The following ABHD1 variants were observed in gnomAD, a reference collection of about 807,000 sequenced individuals.
The protein encoded by ABHD1 is abhydrolase domain containing 1.
Under a neutral mutation model 41.4 loss-of-function variants are expected in ABHD1, and 47 were observed. The observed-to-expected ratio is 1.13, with a 90% CI of 0.90 to 1.45. ABHD1 has a LOEUF of 1.45. Among genes scored for constraint, ABHD1 ranks in the 40% most tolerant of loss-of-function variants. ABHD1 has a pLI of 0.00. For missense variants in ABHD1, 550 were observed against 503.4 expected (o/e 1.09, Z -0.89); for synonymous variants, 205 against 203.7 (o/e 1.01, Z -0.05).
At position 27,130,404 on chromosome 2, in the gene ABHD1, TCCC is replaced by T; in HGVS notation, c.997_999del (p.Pro333del). On this transcript the variant is annotated inframe_deletion, in exon 8 of 9. Transcript: ENST00000316470. ...TCTCAGTGCAGCAGATGACCCCTTC[TCCC>T]CCGTCTGTGGTGAGTACTCTGATTC... is the stretch of plus-strand genomic sequence containing the variant. The T allele has an allele frequency of 6.2e-7, 1 of 1,613,950 alleles. No individual in the cohort carries two copies. The highest frequency in any genetic ancestry group is 8.5e-7 in the Non-Finnish European group (1 of 1,179,992).
In ABHD1 at chr2:27,130,526, C is replaced by A. The variant is rs749395605; in HGVS notation, c.1007-7C>A. The A allele has an allele frequency of 6.2e-7, 1 of 1,613,910 alleles. No individual in the cohort carries two copies. Among genetic ancestry groups the A allele is most frequent in the Non-Finnish European group, 8.5e-7 (1 of 1,179,886 alleles). Reference sequence around the variant, plus strand: ...GCCAGTGTTTCTAACCTCTGACCCTCTCCTAGCCCTTCCCATACAGGCCGC... The same window carrying A: ...GCCAGTGTTTCTAACCTCTGACCCTATCCTAGCCCTTCCCATACAGGCCGC... On this transcript the variant is annotated splice_polypyrimidine_tract_variant and splice_region_variant and intron_variant, in intron 8 of 8. Coordinates refer to ENST00000316470, the MANE Select transcript of ABHD1 (RefSeq NM_032604.4).
At chr2:27,128,040 C>T (rs1356798569) in intron 1 of ABHD1, among the ~76,000 whole-genome samples, 1 of 151,948 alleles carries the variant, frequency 6.6e-6, no homozygotes, top group Non-Finnish European at 1.5e-5. Flanking sequence ...CCTTGAACTC[C>T]TGGGCTCAAG....
At chr2:27,130,215 T>C (rs199613197) in intron 7 of ABHD1, 36 bp from the exon 8 acceptor site, 621 of 1,614,038 alleles carry the variant, frequency 3.8e-4, no homozygotes, top group Admixed American at 5.3e-4. Context: ...TTCCTATTCT[T>C]TATCATCTTA....
intron 8 of ABHD1, 52 bp downstream of exon 8, chr2:27,130,468 G>A: frequency 6.2e-7 from 1 of 1,611,984 alleles, no homozygotes; most frequent in Middle Eastern, 1.7e-4. Flanking sequence ...GGGCCATGAG[G>A]GACGCAACAG....
chr2:27,130,213 C>T (rs1471110631), intron 7 of ABHD1, 38 bp from the exon 8 acceptor site: 6 of 1,614,012 alleles, frequency 3.7e-6, no homozygotes, highest in African/African-American at 1.3e-5. Flanking sequence ...TCTTCCTATT[C>T]TTTATCATCT....
At position 27,128,460 on chromosome 2, in the gene ABHD1, G is replaced by A; in HGVS notation, c.134G>A (p.Gly45Glu). 6.2e-7 allele frequency: 1 copy of A among 1,613,992 alleles called. No individual in the cohort carries two copies. Among genetic ancestry groups the A allele is most frequent in the South Asian group, 1.1e-5 (1 of 91,076 alleles). The change falls in exon 2 of 9, where the codon GGG (glycine) becomes GAG (glutamate). Residue 45 changes from glycine (G) to glutamate (E), a missense_variant. Gly to Glu is a moderately conservative substitution (Grantham distance 98, BLOSUM62 -2). Transcript: ENST00000316470. ...CVLQRPRLVA[G>E]PQFLAFLEPH... ...TTACAGAGGCCTCGGCTGGTGGCTG[G>A]GCCGCAGTTTCTGGCCTTCCTGGAG...
chr2:27,129,451 A>G (rs1672126483), intron 4 of ABHD1, 63 bp from the exon 5 acceptor site: 3 of 1,611,616 alleles, frequency 1.9e-6, no homozygotes, highest in Non-Finnish European at 2.5e-6. Flanking sequence ...ATCCTTCCTC[A>G]GTTTCCCCTC....
In ABHD1 at chr2:27,128,463, C is replaced by T. The variant is rs781768624; in HGVS notation, c.137C>T (p.Pro46Leu). The T allele has an allele frequency of 1.4e-5, 22 of 1,614,068 alleles. No individual in the cohort carries two copies. In the South Asian group the frequency reaches 1.9e-4, roughly 14 times the overall value. Residue 46 changes from proline (P) to leucine (L), a missense_variant, in exon 2 of 9, where the codon CCG becomes CTG. Pro to Leu is a moderately conservative substitution (Grantham distance 98, BLOSUM62 -3). Transcript: ENST00000316470. ...CAGAGGCCTCGGCTGGTGGCTGGGC[C>T]GCAGTTTCTGGCCTTCCTGGAGCCA... is the stretch of plus-strand genomic sequence containing the variant. ...VLQRPRLVAGPQFLAFLEPHC... is the reference protein window; with the variant it reads ...VLQRPRLVAGLQFLAFLEPHC...
chr2:27,124,191 A>G (rs1671860098), intron 1 of ABHD1, 129 bp downstream of exon 1: 1 of 844,178 alleles, frequency 1.2e-6, no homozygotes, highest in Non-Finnish European at 2.0e-6. Flanking sequence ...CTACCACCGA[A>G]TGGAGAGTCG....
intron 8 of ABHD1, 37 bp downstream of exon 8, chr2:27,130,453 A>C: frequency 6.2e-7 from 1 of 1,613,236 alleles, no homozygotes. Context: ...GGCCCCAAGG[A>C]AAATGGGCCA....
Position 27,130,270 on chromosome 2 carries a change from T to C in ABHD1, c.860T>C (p.Phe287Ser). The C allele has an allele frequency of 1.9e-6, 3 of 1,614,212 alleles. No homozygotes were observed. The South Asian group carries it at 3.3e-5, about 18-fold the overall frequency. The change falls in exon 8 of 9, where the codon TTT becomes TCT. Residue 287 changes from phenylalanine to serine, a missense_variant. Phe to Ser is a radical substitution (Grantham distance 155). Transcript: ENST00000316470. ...CTGCAGGCCCGTACAATCCGCCAGTTTGATGAGCGCTACACATCTGTGGCC... is the reference window on the plus strand; with the variant it reads ...CTGCAGGCCCGTACAATCCGCCAGTCTGATGAGCGCTACACATCTGTGGCC... ...FVLQARTIRQ[F>S]DERYTSVAFG...
At chr2:27,128,334 T>C in intron 1 of ABHD1, 107 bp from the exon 2 acceptor site, 3 of 1,406,774 alleles carry the variant, frequency 2.1e-6, no homozygotes, top group East Asian at 4.6e-5. Context: ...AGCAGGGTCC[T>C]CCAGGCTGGG....
intron 1 of ABHD1, chr2:27,125,547 A>G (rs1572915128): frequency 6.6e-6 from 1 of 152,324 alleles, no homozygotes; most frequent in African/African-American, 2.4e-5. Context: ...CAAACCTGTG[A>G]ACAAATTTAT....
rs1558475320 is a variant in ABHD1, at chr2:27,129,555, GAC to G, written c.548_549del (p.Thr183SerfsTer53). 3 of 1,614,102 alleles carry G rather than the reference GAC, an allele frequency of 1.9e-6. No homozygotes were observed. The highest frequency in any genetic ancestry group is 2.5e-6 in the Non-Finnish European group (3 of 1,180,052). On this transcript the variant is annotated frameshift_variant, in exon 5 of 9. Transcript: ENST00000316470. LOFTEE classifies it high-confidence loss of function. ...GTGCCAGCAATACTGAAGATCTAGA[GAC>G]AGTCGTGAACCACATAAAGCATCGT... ...FCASNTEDLETVVNHIKHRYP... is the reference protein window; with the variant it reads ...FCASNTEDLEXVVNHIKHRYP...
At chr2:27,130,508 T>C (rs766204214) in intron 8 of ABHD1, 25 bp from the exon 9 acceptor site, 2 of 1,612,490 alleles carry the variant, frequency 1.2e-6, no homozygotes, top group East Asian at 4.5e-5. Flanking sequence ...AAGGCCAGTG[T>C]TTCTAACCTC....
chr2:27,130,133 G>A lies in ABHD1; in HGVS notation c.820G>A (p.Asp274Asn). ...CAGAAAGGTGATTGAAAAGGTGGTG[G>A]ACATAGACTTTGTACTACAGGTATA... ...RNRKVIEKVVDIDFVLQARTI... is the reference protein window; with the variant it reads ...RNRKVIEKVVNIDFVLQARTI... The change falls in exon 7 of 9, where the codon GAC becomes AAC. Residue 274 changes from aspartate (D) to asparagine (N), a missense_variant. Coordinates refer to ENST00000316470, the MANE Select transcript of ABHD1 (RefSeq NM_032604.4). The A allele has an allele frequency of 6.2e-7, 1 of 1,614,160 alleles. No homozygotes were observed. The highest frequency in any genetic ancestry group is 1.1e-5 in the South Asian group (1 of 91,082).
At position 27,124,010 on chromosome 2, in the gene ABHD1, T is replaced by C; in HGVS notation, c.62T>C (p.Leu21Ser). The change falls in exon 1 of 9, where the codon TTG (leucine) becomes TCG (serine). Residue 21 changes from leucine to serine, a missense_variant. By Grantham distance (145) the Leu-to-Ser change is moderately radical (BLOSUM62 -2). Transcript: ENST00000316470. ...TGGGCAGACACCTTCTCTCTGCTCTTGGCTCTTGCCGTTGCCCTCTACTTG... is the reference window on the plus strand; with the variant it reads ...TGGGCAGACACCTTCTCTCTGCTCTCGGCTCTTGCCGTTGCCCTCTACTTG... The part of the protein sequence containing the change: ...GTWADTFSLL[L>S]ALAVALYLGY... 6.2e-7 allele frequency: 1 copy of C among 1,614,256 alleles called. No individual in the cohort carries two copies. The highest frequency in any genetic ancestry group is 8.5e-7 in the Non-Finnish European group (1 of 1,180,046).
rs1167958303 is a variant in ABHD1, at chr2:27,129,040, T to C, written c.371T>C (p.Ile124Thr). 4.3e-6 allele frequency: 7 copies of C among 1,614,080 alleles called. No homozygotes were observed. Among genetic ancestry groups the C allele is most frequent in the African/African-American group, 1.3e-5 (1 of 74,940 alleles). ...GACCCTGATCCTACTACCCAGCCCA[T>C]TGTGCTGCTGCTTCCTGGCATCACT... ...SQDPDPTTQP[I>T]VLLLPGITGS... The change falls in exon 3 of 9, where the codon ATT becomes ACT. Residue 124 changes from isoleucine (I) to threonine (T), a missense_variant. Transcript: ENST00000316470.
chr2:27,124,063 G>C lies in ABHD1; in HGVS notation c.114+1G>C. On this transcript the variant is annotated splice_donor_variant, in intron 1 of 8. Transcript: ENST00000316470. LOFTEE classifies it high-confidence loss of function. ...CTACTACTGGGCATGTGTGCTTCAG[G>C]TGGGTGCGGGTCCACCGCTCTGGCC... 3 of 1,613,796 alleles carry C rather than the reference G, an allele frequency of 1.9e-6. No individual in the cohort carries two copies. Among genetic ancestry groups the C allele is most frequent in the Non-Finnish European group, 2.5e-6 (3 of 1,179,658 alleles).
Sources: allele counts gnomAD v4.1 joint callset (sites outside exome capture counted in the v4.1 genomes callset), GRCh38; gene constraint gnomAD v4.1.1; transcripts MANE v1.5; gene names NCBI Gene and HGNC (gene_info 2026-07-23, HGNC 2026-07-21).